Variants in MIER1 observed in about 807,000 individuals in gnomAD.
MIER1 encodes mesoderm induction early response protein 1.
Under a neutral mutation model 75.7 loss-of-function variants are expected in MIER1, and 40 were observed. The ratio of observed to expected loss-of-function variants is 0.53; its 90% CI spans 0.41 to 0.69. The LOEUF is 0.69. Among genes scored for constraint, MIER1 ranks in the 30% least tolerant of loss-of-function variants. The probability of loss-of-function intolerance (pLI) is 0.00; values close to 1 mark genes in which losing one functional copy is unlikely to be tolerated. For missense variants in MIER1, 574 were observed against 680.2 expected (o/e 0.84, Z 1.74); for synonymous variants, 213 against 223.4 (o/e 0.95, Z 0.42).
intron 4 of MIER1, 166 bp downstream of exon 4, chr1:66,946,461 A>T: frequency 1.5e-6 from 2 of 1,352,170 alleles, no homozygotes; most frequent in Non-Finnish European, 1.9e-6. Context: ...AAATGAAAGG[A>T]TTTAAAAACA....
rs1411976873 is a variant in MIER1 at position 66,971,746 on chromosome 1, G to GT, written c.1006+15dup. The GT allele has an allele frequency of 2.2e-6, 3 of 1,362,776 alleles. No individual in the cohort carries two copies. In the African/African-American group the frequency reaches 4.4e-5, roughly 20 times the overall value. 84.4% of individuals were successfully genotyped at this position (1,362,776 alleles called of 1,614,324 possible). A position where few individuals can be genotyped will look rare whatever the true frequency, so the allele number is the denominator to read the frequency against. On this transcript the variant is annotated intron_variant, in intron 10 of 13. Transcript: ENST00000401041. The stretch of plus-strand genomic sequence containing the variant: ...GTAAAAGCAGCTAGAGGTAAGTATA[G>GT]TTTTTATTCATTTTCATGATTTGGC...
At chr1:66,942,021 T>C (rs921723950) in intron 3 of MIER1, among the ~76,000 whole-genome samples, 4 of 151,920 alleles carry the variant, frequency 2.6e-5, no homozygotes, top group Non-Finnish European at 4.4e-5. Context: ...TGTTGAATAC[T>C]TAACAGATAG....
At chr1:66,936,998 C>CAAAAAAAAA (rs751644771) in intron 2 of MIER1, among the ~76,000 whole-genome samples, 12 of 68,322 alleles carry the variant, frequency 1.8e-4, no homozygotes, top group Non-Finnish European at 2.4e-4. Flanking sequence ...GACTCCATCT[C>CAAAAAAAAA]AAAAAAAAAA....
chr1:66,979,135 T>TA (rs1366306642), intron 12 of MIER1, among the ~76,000 whole-genome samples: 1 of 152,010 alleles, frequency 6.6e-6, no homozygotes, highest in Non-Finnish European at 1.5e-5. Context: ...GAAAGAATCA[T>TA]ACTTTTTTAC....
chr1:66,931,649 C>T (rs1653399612), intron 2 of MIER1, among the ~76,000 whole-genome samples: 1 of 151,980 alleles, frequency 6.6e-6, no homozygotes, highest in Non-Finnish European at 1.5e-5. Flanking sequence ...TTCTTTTGCT[C>T]TTGGTGGTTA....
rs1666808864 is a variant in MIER1, at chr1:66,986,575, A to T, written c.*1675A>T. ...TCAGGCCTTACCCCCATGAAGTATT[A>T]CTGTTAACATATGTTCGGACTGCTT... On this transcript the variant is annotated 3_prime_UTR_variant, in exon 14 of 14. Transcript: ENST00000401041. The T allele has an allele frequency of 1.1e-6, 1 of 933,192 alleles. No individual in the cohort carries two copies. Among genetic ancestry groups the T allele is most frequent in the Admixed American group, 1.9e-5 (1 of 51,856 alleles). The allele number at this position is 933,192 out of a possible 1,614,324, so 57.8% of individuals were successfully genotyped here.
At chr1:66,967,536 T>C (rs1662670398) in intron 8 of MIER1, among the ~76,000 whole-genome samples, 1 of 152,164 alleles carries the variant, frequency 6.6e-6, no homozygotes, top group African/African-American at 2.4e-5. Flanking sequence ...GTGAAGAATG[T>C]CATTGGTAAT....
chr1:66,968,086 A>AT (rs1662797724), intron 8 of MIER1, among the ~76,000 whole-genome samples: 1 of 151,976 alleles, frequency 6.6e-6, no homozygotes, highest in South Asian at 2.1e-4. Flanking sequence ...TGCATATGTA[A>AT]TTTTTTTCAG....
intron 8 of MIER1, among the ~76,000 whole-genome samples, chr1:66,968,349 A>C (rs962059474): frequency 6.6e-6 from 1 of 152,212 alleles, no homozygotes; most frequent in Non-Finnish European, 1.5e-5. Context: ...TTAGAAATAA[A>C]ACTTGTCAAA....
At chr1:66,974,451 G>GT (rs1043576651) in intron 11 of MIER1, among the ~76,000 whole-genome samples, 147 of 150,828 alleles carry the variant, frequency 9.7e-4, no homozygotes, top group African/African-American at 3.5e-3. Flanking sequence ...TGTTGTTGTT[G>GT]TTTTTTAACA....
At chr1:66,969,099 G>A (rs1052013658) in intron 8 of MIER1, among the ~76,000 whole-genome samples, 2 of 152,132 alleles carry the variant, frequency 1.3e-5, no homozygotes, top group Admixed American at 1.3e-4. Flanking sequence ...GATTGTACCA[G>A]CAGATTAGAA....
At chr1:66,925,315 C>T (rs1651292125) in intron 1 of MIER1, 36 of 985,408 alleles carry the variant, frequency 3.7e-5, no homozygotes, top group Non-Finnish European at 4.2e-5. Context: ...CTCTGGCCAT[C>T]GACTGCCTCC....
intron 3 of MIER1, among the ~76,000 whole-genome samples, chr1:66,940,571 C>T (rs1424083219): frequency 6.6e-6 from 1 of 152,068 alleles, no homozygotes; most frequent in African/African-American, 2.4e-5. Context: ...GTTTTAGGTT[C>T]TGAGCACACA....
rs1558068922 is a variant in MIER1, at chr1:66,958,148, A to G, written c.429A>G (p.Glu143=). ...RLPEEDEEEE[E]EEEEGEDDED... ...CTGAAGAAGATGAGGAAGAGGAAGA[A>G]GAGGAAGAAGAAGGTGAAGATGATG... Residue 143 remains glutamate (E), a synonymous_variant, in exon 5 of 14, where the codon GAA becomes GAG. Coordinates refer to ENST00000401041, the MANE Select transcript of MIER1 (RefSeq NM_001077700.3). The G allele has an allele frequency of 6.2e-7, 1 of 1,604,244 alleles. No homozygotes were observed. The highest frequency in any genetic ancestry group is 8.5e-7 in the Non-Finnish European group (1 of 1,171,258).
intron 4 of MIER1, among the ~76,000 whole-genome samples, chr1:66,953,358 A>G (rs899408255): frequency 6.6e-6 from 1 of 152,216 alleles, no homozygotes; most frequent in Non-Finnish European, 1.5e-5. Flanking sequence ...AATTTGAAAC[A>G]GGATTCCTCA....
intron 9 of MIER1, among the ~76,000 whole-genome samples, 198 bp downstream of exon 9, chr1:66,971,157 C>T (rs1663521177): frequency 6.6e-6 from 1 of 152,028 alleles, no homozygotes; most frequent in South Asian, 2.1e-4. Flanking sequence ...GAAACAAAAA[C>T]CTGTTTTATT....
chr1:66,979,724 A>G (rs1665509107), intron 12 of MIER1, among the ~76,000 whole-genome samples: 1 of 152,048 alleles, frequency 6.6e-6, no homozygotes, highest in Non-Finnish European at 1.5e-5. Flanking sequence ...CAGAAATTAA[A>G]AATAATTTTG....
intron 13 of MIER1, among the ~76,000 whole-genome samples, chr1:66,982,741 A>G (rs922937882): frequency 2.6e-5 from 4 of 152,132 alleles, no homozygotes; most frequent in Admixed American, 6.5e-5. Flanking sequence ...TTGGTCTCAC[A>G]TTGGTCCTGC....
chr1:66,959,348 T>C (rs967112111), intron 6 of MIER1, among the ~76,000 whole-genome samples: 1 of 152,184 alleles, frequency 6.6e-6, no homozygotes, highest in Non-Finnish European at 1.5e-5. Flanking sequence ...TAAATTTCTC[T>C]ACTTTAAAAG....
Sources: allele counts gnomAD v4.1 joint callset (sites outside exome capture counted in the v4.1 genomes callset), GRCh38; gene constraint gnomAD v4.1.1; transcripts MANE v1.5; gene names NCBI Gene and HGNC (gene_info 2026-07-23, HGNC 2026-07-21).